Variants in SNX24 observed in about 807,000 individuals in gnomAD.
SNX24 encodes the protein sorting nexin 24, also known as sorting nexin-24.
A neutral mutation model predicts 28.7 loss-of-function variants in SNX24; 22 were observed. The observed-to-expected ratio is 0.77, with a 90% confidence interval of 0.55 to 1.10. The LOEUF is 1.10. Among genes scored for constraint, SNX24 ranks in the 50% least tolerant of loss-of-function variants. The pLI is 0.00. For missense variants in SNX24, 221 were observed against 201.1 expected (o/e 1.10, Z -0.60); for synonymous variants, 69 against 71.5 (o/e 0.96, Z 0.18).
intron 5 of SNX24, among the ~76,000 whole-genome samples, chr5:123,014,333 A>ATTTTTTTTTTT (rs70988553): frequency 3.9e-5 from 3 of 77,270 alleles, no homozygotes; most frequent in African/African-American, 1.7e-4. Flanking sequence ...TGCCCAGCTG[A>ATTTTTTTTTTT]TTTTTTTTTT....
At chr5:122,920,757 A>AT (rs1316242828) in intron 1 of SNX24, among the ~76,000 whole-genome samples, 5 of 152,206 alleles carry the variant, frequency 3.3e-5, no homozygotes, top group Admixed American at 2.6e-4. Context: ...CTTCACAGAT[A>AT]TTTTTTCTCA....
At chr5:122,913,790 A>G (rs1482872549) in intron 1 of SNX24, among the ~76,000 whole-genome samples, 1 of 152,144 alleles carries the variant, frequency 6.6e-6, no homozygotes, top group South Asian at 2.1e-4. Context: ...GCGAGCCAAG[A>G]TCACACCACT....
intron 3 of SNX24, 137 bp from the exon 4 acceptor site, chr5:122,999,775 C>T (rs902921746): frequency 4.1e-5 from 28 of 676,288 alleles, no homozygotes; most frequent in Non-Finnish European, 6.1e-5. Flanking sequence ...AAAACAGAGA[C>T]CACTCCTCAT....
chr5:123,024,500 A>G (rs1373692022), intron 5 of SNX24, among the ~76,000 whole-genome samples: 19 of 152,192 alleles, frequency 1.2e-4, no homozygotes. Context: ...CCATTAACCT[A>G]TAAGTTGAGC....
rs569024459 is a variant in SNX24 at position 122,996,299 on chromosome 5, C to T, written c.250-3613C>T. Among the ~76,000 whole-genome samples, 4 of 152,344 alleles carry T rather than the reference C, an allele frequency of 2.6e-5. No individual in the cohort carries two copies. In the South Asian group the frequency reaches 8.3e-4, roughly 32 times the overall value. On this transcript the variant is annotated intron_variant, in intron 3 of 6. Coordinates refer to ENST00000261369, the MANE Select transcript of SNX24 (RefSeq NM_014035.4). ...CTGGCACACAGCACCGGCCACAGTG[C>T]ATCAGGCTCCAGGCCAAAGAAAAGT...
chr5:122,921,944 A>G (rs1758449884), intron 1 of SNX24, among the ~76,000 whole-genome samples: 1 of 152,190 alleles, frequency 6.6e-6, no homozygotes, highest in Non-Finnish European at 1.5e-5. Flanking sequence ...GTTTGGGGTA[A>G]AAGAAATCAA....
intron 3 of SNX24, among the ~76,000 whole-genome samples, chr5:122,971,331 T>G (rs1048514867): frequency 5.9e-5 from 9 of 152,184 alleles, no homozygotes; most frequent in African/African-American, 2.2e-4. Flanking sequence ...AAGGTGGGTC[T>G]GCCTCTCCCA....
At chr5:122,919,497 AG>A (rs1358783347) in intron 1 of SNX24, among the ~76,000 whole-genome samples, 1 of 152,198 alleles carries the variant, frequency 6.6e-6, no homozygotes, top group Non-Finnish European at 1.5e-5. Context: ...AAACGTGTGC[AG>A]GAAGATTATA....
chr5:123,028,606 G>A (rs1762896991), intron 5 of SNX24: 1 of 524,344 alleles, frequency 1.9e-6, no homozygotes. Context: ...CCTCATACCT[G>A]TCGAGATGCT....
intron 3 of SNX24, among the ~76,000 whole-genome samples, chr5:122,996,248 A>C (rs1385970503): frequency 6.6e-6 from 1 of 152,192 alleles, no homozygotes; most frequent in Non-Finnish European, 1.5e-5. Context: ...AACTGAAACA[A>C]GAAGGCCAGC....
At chr5:122,926,835 G>A (rs1758720520) in intron 1 of SNX24, among the ~76,000 whole-genome samples, 1 of 152,208 alleles carries the variant, frequency 6.6e-6, no homozygotes, top group Non-Finnish European at 1.5e-5. Context: ...CTATGAATGG[G>A]CATCGGCAGA....
At chr5:122,956,358 A>C (rs1300782333) in intron 3 of SNX24, among the ~76,000 whole-genome samples, 1 of 115,176 alleles carries the variant, frequency 8.7e-6, no homozygotes, top group Non-Finnish European at 1.7e-5. Context: ...TTGGGAAAAA[A>C]AAAATATATA....
intron 2 of SNX24, among the ~76,000 whole-genome samples, chr5:122,938,418 A>T (rs1392497411): frequency 6.6e-6 from 1 of 152,202 alleles, no homozygotes; most frequent in Non-Finnish European, 1.5e-5. Context: ...ACTAGCATTA[A>T]TAGAATAGAA....
rs148714479 is a variant in SNX24 at position 122,936,804 on chromosome 5, C to G, written c.131C>G (p.Ala44Gly). 36 of 1,603,994 alleles carry G rather than the reference C, an allele frequency of 2.2e-5. No homozygotes were observed. Among genetic ancestry groups the G allele is most frequent in the Non-Finnish European group, 3.1e-5 (36 of 1,172,596 alleles). Residue 44 changes from alanine to glycine, a missense_variant, in exon 2 of 7, where the codon GCT becomes GGT. Coordinates refer to ENST00000261369, the MANE Select transcript of SNX24 (RefSeq NM_014035.4). ...FVEKRYSEFH[A>G]LHKKLKKCIK... Reference sequence around the variant, plus strand: ...GAAAAGAGATACAGCGAATTTCATGCTTTGCACAAAAAGGTAACTTGTTTT... The same window carrying G: ...GAAAAGAGATACAGCGAATTTCATGGTTTGCACAAAAAGGTAACTTGTTTT...
At chr5:122,999,455 TAC>T (rs71928842) in intron 3 of SNX24, among the ~76,000 whole-genome samples, 48 of 149,576 alleles carry the variant, frequency 3.2e-4, no homozygotes, top group Admixed American at 6.6e-4. Flanking sequence ...TGTGGGGAGA[TAC>T]ACACACACAC....
chr5:122,883,807 CCA>C, intron 1 of SNX24, among the ~76,000 whole-genome samples: 1 of 152,068 alleles, frequency 6.6e-6, no homozygotes, highest in Admixed American at 6.6e-5. Flanking sequence ...GCATGCGCCA[CCA>C]CACCTGGCTA....
At chr5:123,013,225 A>G (rs1021855918), downstream of SNX24, among the ~76,000 whole-genome samples, 1 of 152,206 alleles carries the variant, frequency 6.6e-6, no homozygotes, top group African/African-American at 2.4e-5. Flanking sequence ...CCCCCACTGG[A>G]TTAAGGCACT....
chr5:123,007,659 CTT>C (rs760607897), intron 6 of SNX24, 21 bp from the exon 7 acceptor site: 14 of 1,152,308 alleles, frequency 1.2e-5, no homozygotes, highest in Admixed American at 5.1e-5. Context: ...TTTTTTTTTT[CTT>C]TTTTTTTTTC....
In SNX24 at chr5:122,847,320, G is replaced by T. The variant is rs1038233984; in HGVS notation, c.60+1627G>T. On this transcript the variant is annotated intron_variant, in intron 1 of 6. Coordinates refer to ENST00000261369, the MANE Select transcript of SNX24 (RefSeq NM_014035.4). ...GTATCTTTTTATTATTTGTATTTAT[G>T]ACCAGGCATGTGCCACACTCCAGGT... Among the ~76,000 whole-genome samples, 4 of 151,952 alleles carry T rather than the reference G, an allele frequency of 2.6e-5. No homozygotes were observed. In the South Asian group the frequency reaches 8.3e-4, roughly 32 times the overall value.
Sources: allele counts gnomAD v4.1 joint callset (sites outside exome capture counted in the v4.1 genomes callset), GRCh38; gene constraint gnomAD v4.1.1; transcripts MANE v1.5; gene names NCBI Gene and HGNC (gene_info 2026-07-23, HGNC 2026-07-21).